Variants in CLASP2 observed in about 807,000 individuals in gnomAD.
CLASP2 encodes the protein cytoplasmic linker associated protein 2.
In CLASP2, 47 loss-of-function variants were observed where a neutral mutation model predicts 194.4. That is an observed-to-expected ratio of 0.24 (90% confidence interval 0.19 to 0.31). CLASP2 has a LOEUF of 0.31. CLASP2 is among the 10% of genes least tolerant of loss of function. CLASP2 has a pLI of 1.00. For synonymous variants in CLASP2, 619 were observed against 633.5 expected (o/e 0.98, Z 0.34); for missense variants, 1,445 against 1,823.6 (o/e 0.79, Z 3.78).
intron 21 of CLASP2, among the ~76,000 whole-genome samples, chr3:33,586,792 T>C (rs1355754420): frequency 6.6e-6 from 1 of 152,120 alleles, no homozygotes; most frequent in Non-Finnish European, 1.5e-5. Context: ...TGATTATATG[T>C]TATACAGTCT....
chr3:33,606,036 A>G (rs1041754094), intron 16 of CLASP2, among the ~76,000 whole-genome samples: 5 of 152,118 alleles, frequency 3.3e-5, no homozygotes, highest in Non-Finnish European at 5.9e-5. Flanking sequence ...TAATTTTAGC[A>G]ATCTCATAGG....
At chr3:33,629,772 AT>A (rs1471211478) in intron 9 of CLASP2, among the ~76,000 whole-genome samples, 2 of 151,562 alleles carry the variant, frequency 1.3e-5, no homozygotes, top group Non-Finnish European at 2.9e-5. Flanking sequence ...TTAAAAAAAA[AT>A]CATTGCTTAA....
chr3:33,670,391 G>T (rs376753647), intron 6 of CLASP2, among the ~76,000 whole-genome samples: 1 of 152,084 alleles, frequency 6.6e-6, no homozygotes, highest in African/African-American at 2.4e-5. Flanking sequence ...CTAATGATTC[G>T]TGCACTTTTC....
At chr3:33,544,477 C>T (rs2058844889) in intron 31 of CLASP2, among the ~76,000 whole-genome samples, 1 of 152,086 alleles carries the variant, frequency 6.6e-6, no homozygotes, top group South Asian at 2.1e-4. Flanking sequence ...CCACTGTTTA[C>T]CACTATCCTA....
In CLASP2 at chr3:33,497,038, C is replaced by A. The variant is rs577269120; in HGVS notation, c.*1593G>T. 1 of 152,594 alleles carries A rather than the reference C, an allele frequency of 6.6e-6. No individual in the cohort carries two copies. The highest frequency in any genetic ancestry group is 2.1e-4 in the South Asian group (1 of 4,818). 9.5% of individuals were successfully genotyped at this position (152,594 alleles called of 1,614,324 possible). ...TGTACAGTTTTATTGCCAGTATATG[C>A]ACAACAGTAAGCATAGAACTATAAA... On this transcript the variant is annotated 3_prime_UTR_variant, in exon 39 of 39. Transcript: ENST00000682230.
chr3:33,644,510 A>C (rs2081945107), intron 8 of CLASP2: 1 of 472,642 alleles, frequency 2.1e-6, no homozygotes, highest in South Asian at 2.5e-5. Flanking sequence ...TCTTTTTCAA[A>C]ATGGCATCTG....
chr3:33,595,027 C>A, intron 19 of CLASP2, 59 bp from the exon 20 acceptor site: 1 of 1,117,808 alleles, frequency 8.9e-7, no homozygotes, highest in South Asian at 2.0e-5. Flanking sequence ...ATATTAAGAC[C>A]TACCTCACAG....
At chr3:33,669,327 C>T (rs1233134739) in intron 6 of CLASP2, among the ~76,000 whole-genome samples, 1 of 152,064 alleles carries the variant, frequency 6.6e-6, no homozygotes, top group Non-Finnish European at 1.5e-5. Context: ...AAGACAATTA[C>T]ATACAAGAAT....
At chr3:33,622,322 T>G in intron 10 of CLASP2, 42 bp from the exon 11 acceptor site, 3 of 1,401,844 alleles carry the variant, frequency 2.1e-6, no homozygotes, top group Non-Finnish European at 2.8e-6. Flanking sequence ...AAGGTGGAAG[T>G]GCAAAAAAAA....
chr3:33,602,179 A>T lies in CLASP2; in HGVS notation c.1924+773T>A, dbSNP rs1031444795. On this transcript the variant is annotated intron_variant, in intron 18 of 38. Coordinates refer to ENST00000682230, the MANE Select transcript of CLASP2 (RefSeq NM_001365631.1). ...CAGGCATGAGCCACCATGCCCGGCT[A>T]AGTTTTGCATTTTTAGTAGAGATAG... Among the ~76,000 whole-genome samples, 3 of 152,134 alleles carry T rather than the reference A, an allele frequency of 2.0e-5. No homozygotes were observed. In the East Asian group the frequency reaches 5.8e-4, roughly 29 times the overall value.
rs529151886 is a variant in CLASP2 at position 33,677,611 on chromosome 3, G to A, written c.644+6748C>T. Among the ~76,000 whole-genome samples the A allele has an allele frequency of 1.3e-4, 20 of 149,178 alleles. No individual in the cohort carries two copies. The East Asian group carries it at 3.2e-3, about 24-fold the overall frequency. Reference sequence around the variant, plus strand: ...GGAGATATACCTAATGCTAGATGACGAGTTAGTGGGTGCAGCACACCAGCA... The same window carrying A: ...GGAGATATACCTAATGCTAGATGACAAGTTAGTGGGTGCAGCACACCAGCA... On this transcript the variant is annotated intron_variant, in intron 6 of 38. Coordinates refer to ENST00000682230, the MANE Select transcript of CLASP2 (RefSeq NM_001365631.1).
At chr3:33,686,789 C>G (rs1235196521) in intron 5 of CLASP2, among the ~76,000 whole-genome samples, 1 of 152,174 alleles carries the variant, frequency 6.6e-6, no homozygotes, top group Non-Finnish European at 1.5e-5. Context: ...GGAATCGAAG[C>G]TCTTTGTTAC....
chr3:33,645,183 T>C, intron 7 of CLASP2: 1 of 754,024 alleles, frequency 1.3e-6, no homozygotes, highest in Non-Finnish European at 2.4e-6. Context: ...AAAAGTATTT[T>C]TCATGTTTTT....
Position 33,501,782 on chromosome 3 carries a change from T to A in CLASP2, c.4318-14A>T, listed in dbSNP as rs2046906383. The stretch of plus-strand genomic sequence containing the variant: ...ATTATCATAACCCTACGGAGAGAAG[T>A]CCACTGTTAGTACTCCAGAGAAGTC... On this transcript the variant is annotated splice_polypyrimidine_tract_variant and intron_variant, in intron 37 of 38. Transcript: ENST00000682230. The A allele has an allele frequency of 1.3e-6, 2 of 1,561,888 alleles. No homozygotes were observed. The highest frequency in any genetic ancestry group is 1.8e-6 in the Non-Finnish European group (2 of 1,132,960).
intron 26 of CLASP2, among the ~76,000 whole-genome samples, chr3:33,569,912 A>G (rs970729262): frequency 6.6e-6 from 1 of 152,190 alleles, no homozygotes; most frequent in Admixed American, 6.5e-5. Context: ...GGAGGAAATG[A>G]GATGTGCAAC....
At chr3:33,542,424 C>T (rs1357406227) in intron 32 of CLASP2, among the ~76,000 whole-genome samples, 5 of 147,246 alleles carry the variant, frequency 3.4e-5, no homozygotes, top group Non-Finnish European at 7.5e-5. Context: ...ATTAAGCTTA[C>T]AGACAAAACA....
intron 9 of CLASP2, among the ~76,000 whole-genome samples, chr3:33,630,827 T>C (rs929984238): frequency 1.3e-5 from 2 of 152,168 alleles, no homozygotes; most frequent in African/African-American, 4.8e-5. Flanking sequence ...GACAAGAACA[T>C]ATCAAACAAT....
chr3:33,556,450 T>G (rs1432313615), intron 29 of CLASP2, among the ~76,000 whole-genome samples: 2 of 151,918 alleles, frequency 1.3e-5, no homozygotes, highest in Non-Finnish European at 2.9e-5. Flanking sequence ...TTTTTTTTTT[T>G]TTTGAGACGG....
intron 32 of CLASP2, among the ~76,000 whole-genome samples, chr3:33,540,660 T>C (rs2058195171): frequency 6.6e-6 from 1 of 152,198 alleles, no homozygotes; most frequent in African/African-American, 2.4e-5. Flanking sequence ...GTTTGCAATA[T>C]ATTTTTCTTA....
Sources: allele counts gnomAD v4.1 joint callset (sites outside exome capture counted in the v4.1 genomes callset), GRCh38; gene constraint gnomAD v4.1.1; transcripts MANE v1.5; gene names NCBI Gene and HGNC (gene_info 2026-07-23, HGNC 2026-07-21).